GRM8: variants seen among roughly 807,000 people sequenced by gnomAD.
GRM8 encodes glutamate metabotropic receptor 8, also known as metabotropic glutamate receptor 8.
GRM8 carries 47 observed loss-of-function variants against 87.2 expected under a neutral mutation model. That is an observed-to-expected ratio of 0.54 (90% CI 0.43 to 0.69). The LOEUF (loss-of-function observed/expected upper bound fraction) is 0.69. Ranked by LOEUF, GRM8 falls within the 30% of genes least tolerant of loss-of-function variation. The pLI, the probability that GRM8 is intolerant of heterozygous loss-of-function variation, is 0.00. For synonymous variants in GRM8, 396 were observed against 404.5 expected, an observed-to-expected ratio of 0.98 and a Z score of 0.25; for missense variants, 1,019 against 1,139.2, an observed-to-expected ratio of 0.89 and a Z score of 1.52.
rs550305127 is a variant in GRM8 at position 127,168,957 on chromosome 7, A to G, written c.511-62245T>C. 3.5e-3 allele frequency among the ~76,000 whole-genome samples: 537 copies of G among 151,820 alleles called. 3 individuals are homozygous for G. The highest frequency in any genetic ancestry group is 0.012 in the African/African-American group (502 of 41,420). On this transcript the variant is annotated intron_variant, in intron 2 of 10. Coordinates refer to ENST00000339582, the MANE Select transcript of GRM8 (RefSeq NM_000845.3). ...AAACCACCATGGCACATGTATACCT[A>G]TGTAACAAACCTGCACGTTCTGCAC...
At position 127,159,915 on chromosome 7, in the gene GRM8, C is replaced by T. The variant is rs1792993394; in HGVS notation, c.511-53203G>A. 2.6e-5 allele frequency among the ~76,000 whole-genome samples: 4 copies of T among 152,136 alleles called. No individual in the cohort carries two copies. The South Asian group carries it at 8.3e-4, about 32-fold the overall frequency. ...ATGCTCGCAAAACTGAAGCATCCTA[C>T]TTTATTTTCACAAATAAAAGGTGAT... On this transcript the variant is annotated intron_variant, in intron 2 of 10. Transcript: ENST00000339582.
At position 126,438,939 on chromosome 7, in the gene GRM8, T is replaced by TTCTTCA; in HGVS notation, c.*174_*179dup. 1.8e-6 allele frequency: 1 copy of TTCTTCA among 556,300 alleles called. No individual in the cohort carries two copies. The highest frequency in any genetic ancestry group is 3.2e-6 in the Non-Finnish European group (1 of 310,334). The allele number at this position is 556,300 out of a possible 1,614,324, so 34.5% of individuals were successfully genotyped here. ...ATTGGTTTTATTGTATAAAACGGGT[T>TTCTTCA]TCTTCACTCCCCGTTTATTGATACT... On this transcript the variant is annotated 3_prime_UTR_variant, in exon 11 of 11. Coordinates refer to ENST00000339582, the MANE Select transcript of GRM8 (RefSeq NM_000845.3).
intron 9 of GRM8, among the ~76,000 whole-genome samples, chr7:126,473,925 C>G (rs1482732689): frequency 6.6e-6 from 1 of 152,110 alleles, no homozygotes; most frequent in African/African-American, 2.4e-5. Context: ...CACCTTCCAC[C>G]ATGATTGTGA....
intron 3 of GRM8, among the ~76,000 whole-genome samples, chr7:127,044,968 G>A (rs1818789951): frequency 6.6e-6 from 1 of 152,078 alleles, no homozygotes; most frequent in South Asian, 2.1e-4. Flanking sequence ...AGTTGCAAAT[G>A]AATTTATACT....
intron 3 of GRM8, among the ~76,000 whole-genome samples, chr7:127,057,520 A>G (rs1820118997): frequency 6.6e-6 from 1 of 152,190 alleles, no homozygotes; most frequent in Admixed American, 6.5e-5. Context: ...GAGGCACAAA[A>G]CATATAAAGG....
intron 6 of GRM8, among the ~76,000 whole-genome samples, chr7:126,901,433 T>C (rs531752378): frequency 6.6e-6 from 1 of 152,138 alleles, no homozygotes; most frequent in Non-Finnish European, 1.5e-5. Flanking sequence ...CTCCCCACAC[T>C]CAAATGTAAG....
At chr7:126,977,464 C>A (rs1233610984) in intron 3 of GRM8, among the ~76,000 whole-genome samples, 1 of 152,178 alleles carries the variant, frequency 6.6e-6, no homozygotes, top group Non-Finnish European at 1.5e-5. Flanking sequence ...AAAGAGAGGA[C>A]AACACAATAT....
chr7:126,983,613 C>A (rs1330573580), intron 3 of GRM8, among the ~76,000 whole-genome samples: 1 of 152,090 alleles, frequency 6.6e-6, no homozygotes, highest in Non-Finnish European at 1.5e-5. Flanking sequence ...GGGTGACTGA[C>A]CCAGACTATC....
Position 127,242,675 on chromosome 7 carries a change from A to G in GRM8, c.510+20T>C. On this transcript the variant is annotated intron_variant, in intron 2 of 10. Transcript: ENST00000339582. ...TCATTGTTCTTTCACAATGGTCAGA[A>G]AGACAATGCCTTTACCTACCTTAAA... 1 of 1,602,356 alleles carries G rather than the reference A, an allele frequency of 6.2e-7. No individual in the cohort carries two copies. The highest frequency in any genetic ancestry group is 8.5e-7 in the Non-Finnish European group (1 of 1,173,776).
At chr7:127,221,522 C>T (rs1796933296) in intron 2 of GRM8, among the ~76,000 whole-genome samples, 2 of 152,268 alleles carry the variant, frequency 1.3e-5, no homozygotes, top group Middle Eastern at 3.4e-3. Context: ...ATACAAAATT[C>T]CTACTTTCCT....
chr7:126,592,881 T>C (rs1796820702), intron 8 of GRM8, among the ~76,000 whole-genome samples: 1 of 151,970 alleles, frequency 6.6e-6, no homozygotes, highest in Non-Finnish European at 1.5e-5. Context: ...GTAGATGACA[T>C]GCTGTTATTT....
intron 6 of GRM8, among the ~76,000 whole-genome samples, chr7:126,895,241 C>A (rs1442830698): frequency 6.6e-6 from 1 of 152,048 alleles, no homozygotes; most frequent in African/African-American, 2.4e-5. Context: ...ATGTATAGGT[C>A]AAGTCTTGTT....
intron 2 of GRM8, among the ~76,000 whole-genome samples, chr7:127,166,819 T>C (rs10954146): frequency 0.21 from 32,330 of 152,086 alleles, 3,678 homozygotes; most frequent in Middle Eastern, 0.31. Context: ...TTTAAATTTT[T>C]TTAAAGGATC....
At chr7:126,549,399 C>T (rs531976668) in intron 8 of GRM8, among the ~76,000 whole-genome samples, 39 of 152,004 alleles carry the variant, frequency 2.6e-4, no homozygotes, top group African/African-American at 8.7e-4. Flanking sequence ...AGCAAGGACC[C>T]CCACCCCTGA....
chr7:127,188,149 G>T (rs1277611534), intron 2 of GRM8, among the ~76,000 whole-genome samples: 2 of 152,122 alleles, frequency 1.3e-5, no homozygotes, highest in Non-Finnish European at 2.9e-5. Context: ...TATTTCAGGA[G>T]GGCTCATTGT....
chr7:126,799,101 C>A (rs1030668658), intron 6 of GRM8, among the ~76,000 whole-genome samples: 90 of 152,062 alleles, frequency 5.9e-4, no homozygotes, highest in South Asian at 2.1e-4. Flanking sequence ...TGTAGACACT[C>A]TCATCTCTTG....
In GRM8 at chr7:126,833,346, C is replaced by T. The variant is rs926831116; in HGVS notation, c.1157-63281G>A. On this transcript the variant is annotated intron_variant, in intron 6 of 10. Transcript: ENST00000339582. ...TTTGCACCCCAGGTCTTTATTCCCA[C>T]CCTCAAGAATAAAGTTAACTCCAGC... Among the ~76,000 whole-genome samples the T allele has an allele frequency of 5.9e-5, 9 of 152,200 alleles. No homozygotes were observed. The South Asian group carries it at 1.9e-3, about 32-fold the overall frequency.
intron 6 of GRM8, among the ~76,000 whole-genome samples, chr7:126,787,670 T>TTATA (rs1563187619): frequency 6.6e-6 from 1 of 152,104 alleles, no homozygotes; most frequent in Non-Finnish European, 1.5e-5. Flanking sequence ...TAGCATCCCA[T>TTATA]TTTATTTATT....
chr7:126,570,526 AG>A (rs1273635548), intron 8 of GRM8, among the ~76,000 whole-genome samples: 2 of 152,210 alleles, frequency 1.3e-5, no homozygotes, highest in Non-Finnish European at 2.9e-5. Context: ...ACTGACAAGA[AG>A]TCTCTAAAGA....
Sources: allele counts gnomAD v4.1 joint callset (sites outside exome capture counted in the v4.1 genomes callset), GRCh38; gene constraint gnomAD v4.1.1; transcripts MANE v1.5; gene names NCBI Gene and HGNC (gene_info 2026-07-23, HGNC 2026-07-21).